ADAM12: variants seen among roughly 807,000 people sequenced by gnomAD.
ADAM12 encodes the protein disintegrin and metalloproteinase domain-containing protein 12.
A neutral mutation model predicts 106.4 loss-of-function variants in ADAM12; 70 were observed. The observed-to-expected ratio is 0.66, with a 90% CI of 0.54 to 0.80. The LOEUF is 0.80. Among genes scored for constraint, ADAM12 ranks in the 30% least tolerant of loss-of-function variants. The pLI is 0.00. For missense variants in ADAM12, 1,010 were observed against 1,171.9 expected (o/e 0.86, Z 2.02); for synonymous variants, 420 against 433.5 (o/e 0.97, Z 0.39).
At chr10:126,111,844 G>GCA (rs1955874996) in intron 6 of ADAM12, among the ~76,000 whole-genome samples, 1 of 152,118 alleles carries the variant, frequency 6.6e-6, no homozygotes, top group East Asian at 1.9e-4. Context: ...CCTGTTAGCT[G>GCA]CACACACAGA....
intron 4 of ADAM12, among the ~76,000 whole-genome samples, 172 bp from the exon 5 acceptor site, chr10:126,135,832 G>A (rs111539459): frequency 5.3e-5 from 8 of 152,098 alleles, no homozygotes; most frequent in South Asian, 4.1e-4. Flanking sequence ...GGTCTATGTC[G>A]GGAATATCTG....
chr10:126,278,811 C>T (rs1959406380), intron 3 of ADAM12, 104 bp downstream of exon 3: 2 of 758,758 alleles, frequency 2.6e-6, no homozygotes, highest in Admixed American at 3.2e-5. Flanking sequence ...CAAATCCATG[C>T]ATTTCGTTCT....
chr10:126,199,703 C>G (rs1455433874), intron 3 of ADAM12, among the ~76,000 whole-genome samples: 1 of 152,146 alleles, frequency 6.6e-6, no homozygotes, highest in African/African-American at 2.4e-5. Context: ...TTTAGAATTA[C>G]AAATGGAATA....
intron 4 of ADAM12, among the ~76,000 whole-genome samples, chr10:126,143,578 T>TC: frequency 1.8e-5 from 1 of 55,748 alleles, no homozygotes. Context: ...CATGTGTATA[T>TC]TTGTGTGTGT....
intron 2 of ADAM12, among the ~76,000 whole-genome samples, chr10:126,292,888 C>G (rs189166702): frequency 1.0e-3 from 159 of 152,278 alleles, no homozygotes; most frequent in Non-Finnish European, 2.1e-3. Context: ...ATCTCAAACA[C>G]AGGAAAGCAT....
intron 3 of ADAM12, among the ~76,000 whole-genome samples, chr10:126,269,812 G>T (rs1196485671): frequency 6.6e-6 from 1 of 152,178 alleles, no homozygotes; most frequent in East Asian, 1.9e-4. Context: ...CATTCTTCCA[G>T]CTTCAAAGAG....
intron 10 of ADAM12, among the ~76,000 whole-genome samples, chr10:126,094,345 G>A (rs1315231262): frequency 2.0e-5 from 3 of 152,140 alleles, no homozygotes; most frequent in East Asian, 3.8e-4. Context: ...TTTCGGCTGA[G>A]GAATGTCTGT....
Position 126,156,724 on chromosome 10 carries a change from C to T in ADAM12, c.261-1419G>A, listed in dbSNP as rs115599185. On this transcript the variant is annotated intron_variant, in intron 3 of 22. Coordinates refer to ENST00000448723, the MANE Select transcript of ADAM12 (RefSeq NM_001288973.2). ...GGAAAGGCTTTGCGTAGGGATCCGACAACTACTGGGCCCTAACGATGGAGC... is the reference window on the plus strand; with the variant it reads ...GGAAAGGCTTTGCGTAGGGATCCGATAACTACTGGGCCCTAACGATGGAGC... 3.3e-3 allele frequency among the ~76,000 whole-genome samples: 504 copies of T among 152,324 alleles called. 5 individuals carry two copies. The highest frequency in any genetic ancestry group is 0.012 in the African/African-American group (482 of 41,582).
intron 2 of ADAM12, among the ~76,000 whole-genome samples, chr10:126,307,643 C>T (rs1260499960): frequency 6.6e-6 from 1 of 152,138 alleles, no homozygotes; most frequent in Non-Finnish European, 1.5e-5. Flanking sequence ...CAGGTTCAAG[C>T]GATTCTCCTA....
At chr10:126,258,709 T>G (rs1958942035) in intron 3 of ADAM12, among the ~76,000 whole-genome samples, 1 of 152,186 alleles carries the variant, frequency 6.6e-6, no homozygotes, top group Non-Finnish European at 1.5e-5. Flanking sequence ...TTACTTGCAC[T>G]GCTTGCTTGG....
Position 126,064,952 on chromosome 10 carries a change from A to T in ADAM12, c.1463T>A (p.Leu488His). 1 of 1,613,034 alleles carries T rather than the reference A, an allele frequency of 6.2e-7. No homozygotes were observed. The highest frequency in any genetic ancestry group is 8.5e-7 in the Non-Finnish European group (1 of 1,179,716). The part of the protein sequence containing the change: ...ACRDSSNSCD[L>H]PEFCTGASPH... ...GCTGGCCCCTGTGCAGAACTCTGGGAGGTCACAGGAGTTGCTGGAGTCCCT... is the reference window on the plus strand; with the variant it reads ...GCTGGCCCCTGTGCAGAACTCTGGGTGGTCACAGGAGTTGCTGGAGTCCCT... Residue 488 changes from leucine (L) to histidine (H), a missense_variant, in exon 14 of 23, where the codon CTC becomes CAC. Leu to His is a moderately conservative substitution (Grantham distance 99). This residue lies in a region of ADAM12 where 615 missense variants were observed against 708.5 expected (regional missense o/e 0.87). Coordinates refer to ENST00000448723, the MANE Select transcript of ADAM12 (RefSeq NM_001288973.2). This position sits in a 1 kb window ranked among gnomAD's most constrained non-coding sequence, Gnocchi z 4.4.
intron 9 of ADAM12, 78 bp from the exon 10 acceptor site, chr10:126,098,578 T>C (rs1306647053): frequency 1.6e-6 from 2 of 1,216,180 alleles, no homozygotes; most frequent in Non-Finnish European, 2.4e-6. Flanking sequence ...TTCTGTTGGA[T>C]ATTCCTGCAA....
At chr10:126,190,097 C>G (rs921253343) in intron 3 of ADAM12, among the ~76,000 whole-genome samples, 2 of 152,146 alleles carry the variant, frequency 1.3e-5, no homozygotes, top group African/African-American at 4.8e-5. Context: ...GCCAGGCTTC[C>G]CCACCTGTTG....
At chr10:126,211,149 G>A (rs572048972) in intron 3 of ADAM12, among the ~76,000 whole-genome samples, 1 of 152,260 alleles carries the variant, frequency 6.6e-6, no homozygotes, top group African/African-American at 2.4e-5. Context: ...GGTGTGCACA[G>A]GGGTGGCTGG....
At chr10:126,309,241 TGTTTGCAGCTG>T (rs2133812835) in intron 2 of ADAM12, among the ~76,000 whole-genome samples, 1 of 152,198 alleles carries the variant, frequency 6.6e-6, no homozygotes, top group African/African-American at 2.4e-5. Flanking sequence ...AGGAAGACAA[TGTTTGCAGCTG>T]GGGTTGTTGA....
intron 7 of ADAM12, among the ~76,000 whole-genome samples, chr10:126,109,402 A>G (rs1955829106): frequency 6.6e-6 from 1 of 152,182 alleles, no homozygotes; most frequent in South Asian, 2.1e-4. Context: ...TCATTTATTC[A>G]TTTTGATTAA....
At chr10:126,042,008 G>T (rs576065954) in intron 18 of ADAM12, 3 of 1,459,696 alleles carry the variant, frequency 2.1e-6, no homozygotes, top group Non-Finnish European at 2.7e-6. Context: ...GAACTGTGTT[G>T]TGTCTGTTGT....
At chr10:126,232,704 T>C (rs1293239315) in intron 3 of ADAM12, among the ~76,000 whole-genome samples, 1 of 152,168 alleles carries the variant, frequency 6.6e-6, no homozygotes, top group African/African-American at 2.4e-5. Context: ...AATAAATACA[T>C]GCTCAGCTGG....
chr10:126,138,871 A>G (rs1382671869), intron 4 of ADAM12, among the ~76,000 whole-genome samples: 6 of 148,002 alleles, frequency 4.1e-5, no homozygotes, highest in African/African-American at 1.5e-4. Context: ...ATCTTTAGCC[A>G]TCTTGAATTA....
Sources: gnomAD v4.1 joint callset for allele counts (sites outside exome capture counted in the v4.1 genomes callset) on GRCh38, gnomAD v4.1.1 for gene constraint, gnomAD v4.1.1 regional missense constraint, Gnocchi (gnomAD v3.1) non-coding constraint, MANE v1.5 for transcripts, NCBI Gene and HGNC (gene_info 2026-07-23, HGNC 2026-07-21) for gene names.